The following ASPM variants were observed in gnomAD, a reference collection of about 807,000 sequenced individuals.
ASPM encodes abnormal spindle-like microcephaly-associated protein.
ASPM carries 256 observed loss-of-function variants against 366.4 expected under a neutral mutation model. The ratio of observed to expected loss-of-function variants is 0.70; its 90% CI spans 0.63 to 0.77. The LOEUF (loss-of-function observed/expected upper bound fraction) is 0.77. Among genes scored for constraint, ASPM ranks in the 30% least tolerant of loss-of-function variants. The pLI, the probability that ASPM is intolerant of heterozygous loss-of-function variation, is 0.00. For synonymous variants in ASPM, 1,414 were observed against 1,342.9 expected, an observed-to-expected ratio of 1.05 and a Z score of -1.16; for missense variants, 4,146 against 4,090.4, an observed-to-expected ratio of 1.01 and a Z score of -0.37.
At position 197,143,147 on chromosome 1, in the gene ASPM, C is replaced by T. The variant is rs1195234918; in HGVS notation, c.1105G>A (p.Asp369Asn). The change falls in exon 3 of 28, where the codon GAT becomes AAT. Residue 369 changes from aspartate to asparagine, a missense_variant. By Grantham distance (23) the Asp-to-Asn change is conservative (BLOSUM62 1). Coordinates refer to ENST00000367409, the MANE Select transcript of ASPM (RefSeq NM_018136.5). ...CCATAATTATCTTTTATGAAAGAAT[C>T]TGGACTTAAAATTTTCTGATAAATT... ...HEIYQKILSP[D>N]SFIKDNYGLN... 32 of 1,613,188 alleles carry T rather than the reference C, an allele frequency of 2.0e-5. No individual in the cohort carries two copies. The highest frequency in any genetic ancestry group is 2.7e-5 in the Non-Finnish European group (32 of 1,179,344).
chr1:197,114,248 G>A (rs1462928784), intron 17 of ASPM, among the ~76,000 whole-genome samples: 4 of 152,122 alleles, frequency 2.6e-5, no homozygotes, highest in African/African-American at 7.2e-5. Flanking sequence ...ATACTAAATT[G>A]CTAAAAAATG....
intron 18 of ASPM, among the ~76,000 whole-genome samples, chr1:197,097,462 C>A (rs908524547): frequency 6.6e-6 from 1 of 151,642 alleles, no homozygotes. Context: ...TCAAATCCCT[C>A]GGTCTCTCTG....
chr1:197,092,953 T>A, intron 21 of ASPM, 99 bp downstream of exon 21: 1 of 1,040,068 alleles, frequency 9.6e-7, no homozygotes, highest in Non-Finnish European at 1.5e-6. Flanking sequence ...GTCATATTAG[T>A]TCTGAAATTA....
chr1:197,143,587 G>A lies in ASPM; in HGVS notation c.665C>T (p.Ser222Leu). Residue 222 changes from serine (S) to leucine (L), a missense_variant, in exon 3 of 28, where the codon TCA becomes TTA. Physicochemically the swap from Ser to Leu is moderately radical, Grantham distance 145. Transcript: ENST00000367409. ...LILEENKIPI[S>L]PISPAFNECH... Reference sequence around the variant, plus strand: ...TTCATTGAAAGCAGGGCTAATAGGTGATATGGGTATTTTATTTTCTTCAAG... The same window carrying A: ...TTCATTGAAAGCAGGGCTAATAGGTAATATGGGTATTTTATTTTCTTCAAG... 1 of 1,613,166 alleles carries A rather than the reference G, an allele frequency of 6.2e-7. No individual in the cohort carries two copies. The highest frequency in any genetic ancestry group is 2.2e-5 in the East Asian group (1 of 44,880).
chr1:197,117,969 A>C lies in ASPM; in HGVS notation c.3885T>G (p.Ala1295=). The change falls in exon 17 of 28, where the codon GCT becomes GCG. Residue 1295 remains alanine, a synonymous_variant. Coordinates refer to ENST00000367409, the MANE Select transcript of ASPM (RefSeq NM_018136.5). ...DLKRHQEREK[A]ARIIQLAVIN... ...TTACAGCCAATTGAATAATTCTTGC[A>C]GCTTTCTCTCTCTCCTAAAATAAAA... The C allele has an allele frequency of 6.2e-7, 1 of 1,613,330 alleles. No homozygotes were observed. The highest frequency in any genetic ancestry group is 1.7e-4 in the Middle Eastern group (1 of 6,032).
chr1:197,118,746 G>A (rs766672361), intron 16 of ASPM, among the ~76,000 whole-genome samples: 23 of 152,130 alleles, frequency 1.5e-4, no homozygotes, highest in Non-Finnish European at 1.9e-4. Context: ...CTAGAAAACT[G>A]AGGCAATGAG....
intron 17 of ASPM, among the ~76,000 whole-genome samples, chr1:197,109,993 G>T (rs2125099049): frequency 6.6e-6 from 1 of 152,158 alleles, no homozygotes; most frequent in South Asian, 2.1e-4. Context: ...TAGTAAAGTT[G>T]TCAGTGTACC....
Position 197,146,569 on chromosome 1 carries a change from C to A in ASPM, c.-132G>T. 2 of 963,104 alleles carry A rather than the reference C, an allele frequency of 2.1e-6. No individual in the cohort carries two copies. Among genetic ancestry groups the A allele is most frequent in the Non-Finnish European group, 3.1e-6 (2 of 635,730 alleles). The allele number at this position is 963,104 out of a possible 1,614,324, so 59.7% of individuals were successfully genotyped here. ...AGAGGTCGTGGGAGTGAATTCGGCC[C>A]TTTTTCTTTTCCACTAACCTACTCC... On this transcript the variant is annotated 5_prime_UTR_variant, in exon 1 of 28. In the 5' UTR this introduces an upstream ATG that the reference lacks. Coordinates refer to ENST00000367409, the MANE Select transcript of ASPM (RefSeq NM_018136.5).
chr1:197,126,960 A>G (rs1658108641), intron 10 of ASPM, among the ~76,000 whole-genome samples: 1 of 152,192 alleles, frequency 6.6e-6, no homozygotes, highest in Non-Finnish European at 1.5e-5. Context: ...CCAAACCCAC[A>G]TTCATCTTCC....
chr1:197,135,029 C>T (rs986657313), intron 5 of ASPM, 67 bp downstream of exon 5: 3 of 1,224,892 alleles, frequency 2.4e-6, no homozygotes, highest in Non-Finnish European at 3.5e-6. Flanking sequence ...TAAAGAATGA[C>T]AAACGATGTT....
rs897515107 is a variant in ASPM at position 197,125,049 on chromosome 1, G to A, written c.3079C>T (p.His1027Tyr). 3.1e-6 allele frequency: 5 copies of A among 1,613,836 alleles called. No homozygotes were observed. Among genetic ancestry groups the A allele is most frequent in the Non-Finnish European group, 4.2e-6 (5 of 1,179,856 alleles). The change falls in exon 11 of 28, where the codon CAT (histidine) becomes TAT (tyrosine). Residue 1027 changes from histidine to tyrosine, a missense_variant. Coordinates refer to ENST00000367409, the MANE Select transcript of ASPM (RefSeq NM_018136.5). The stretch of plus-strand genomic sequence containing the variant: ...TTTACCTCTACTCAGTTTTTACCAT[G>A]CTCATCACTTAATTCAATTCCTCGT... ...KSRGIELSDE[H>Y]GNTILSKDIV...
In ASPM at chr1:197,105,111, C is replaced by T. The variant is rs1217984932; in HGVS notation, c.4140G>A (p.Arg1380=). ...LKYYSIILQS[R]IRMIIAVTSY... ...ATGTAACAGCAATTATCATTCTTAT[C>T]CTAGATTGCAGGATGATTGAATAAT... Residue 1380 remains arginine, a synonymous_variant, in exon 18 of 28, where the codon AGG becomes AGA. Coordinates refer to ENST00000367409, the MANE Select transcript of ASPM (RefSeq NM_018136.5). The T allele has an allele frequency of 1.2e-6, 2 of 1,608,566 alleles. No individual in the cohort carries two copies. The highest frequency in any genetic ancestry group is 8.5e-7 in the Non-Finnish European group (1 of 1,175,948).
At chr1:197,117,691 T>A in intron 17 of ASPM, 98 bp downstream of exon 17, 2 of 1,104,392 alleles carry the variant, frequency 1.8e-6, no homozygotes, top group Non-Finnish European at 2.6e-6. Context: ...TAAAGAATCC[T>A]AAAATATAAT....
At chr1:197,135,331 A>G in intron 4 of ASPM, 89 bp from the exon 5 acceptor site, 1 of 1,264,126 alleles carries the variant, frequency 7.9e-7, no homozygotes, top group South Asian at 1.2e-5. Context: ...TAGCAATACC[A>G]TCTTTAAAAC....
At chr1:197,090,461 C>T in intron 23 of ASPM, 73 bp from the exon 24 acceptor site, 1 of 1,157,314 alleles carries the variant, frequency 8.6e-7, no homozygotes, top group African/African-American at 1.6e-5. Flanking sequence ...TCTGTTTTCA[C>T]AATGTAAACA....
chr1:197,091,855 T>A (rs1258223707), intron 22 of ASPM, 52 bp downstream of exon 22: 1 of 1,578,352 alleles, frequency 6.3e-7, no homozygotes, highest in Non-Finnish European at 8.7e-7. Flanking sequence ...ATATCAAAAA[T>A]TTCTAACAGA....
rs770550480 is a variant in ASPM at position 197,117,959 on chromosome 1, T to C, written c.3895A>G (p.Ile1299Val). 3.7e-6 allele frequency: 6 copies of C among 1,613,418 alleles called. No individual in the cohort carries two copies. Among genetic ancestry groups the C allele is most frequent in the Non-Finnish European group, 5.1e-6 (6 of 1,179,656 alleles). ...HQEREKAARI[I>V]QLAVINFLAK... ...AGAAAATTGATTACAGCCAATTGAA[T>C]AATTCTTGCAGCTTTCTCTCTCTCC... The change falls in exon 17 of 28, where the codon ATT (isoleucine) becomes GTT (valine). Residue 1299 changes from isoleucine to valine, a missense_variant. Ile to Val is a conservative substitution (Grantham distance 29). This residue lies in a region of ASPM where 3,624 missense variants were observed against 3,591.7 expected (regional missense o/e 1.01). Transcript: ENST00000367409.
Position 197,093,231 on chromosome 1 carries a change from G to C in ASPM, c.9115C>G (p.His3039Asp). The C allele has an allele frequency of 6.2e-7, 1 of 1,612,208 alleles. No homozygotes were observed. Among genetic ancestry groups the C allele is most frequent in the Non-Finnish European group, 8.5e-7 (1 of 1,178,842 alleles). ...TGCCTTCCTTTATATCCTCTATAAT[G>C]TGCTTGGATCAAACAAGCAGCTCGA... The part of the protein sequence containing the change: ...RHRAACLIQA[H>D]YRGYKGRQVF... The change falls in exon 21 of 28, where the codon CAT (histidine) becomes GAT (aspartate). Residue 3039 changes from histidine (H) to aspartate (D), a missense_variant. His to Asp is a moderately conservative substitution (Grantham distance 81, BLOSUM62 -1). Coordinates refer to ENST00000367409, the MANE Select transcript of ASPM (RefSeq NM_018136.5).
chr1:197,102,362 G>A lies in ASPM; in HGVS notation c.6889C>T (p.Arg2297Trp), dbSNP rs759104234. ...TGATGCTTTGTACAAAGATGTGCCC[G>A]ATATTTTCTCTGAATCAAAATAGCA... Reference protein sequence around the residue: ...KTAILIQRKYRAHLCTKHHLQ... With the variant: ...KTAILIQRKYWAHLCTKHHLQ... The change falls in exon 18 of 28, where the codon CGG (arginine) becomes TGG (tryptophan). Residue 2297 changes from arginine to tryptophan, a missense_variant. Arg to Trp is a moderately radical substitution (Grantham distance 101). Coordinates refer to ENST00000367409, the MANE Select transcript of ASPM (RefSeq NM_018136.5). The A allele has an allele frequency of 4.3e-6, 7 of 1,612,710 alleles. No homozygotes were observed. Among genetic ancestry groups the A allele is most frequent in the East Asian group, 2.2e-5 (1 of 44,834 alleles).
Sources: gnomAD v4.1 joint callset for allele counts (sites outside exome capture counted in the v4.1 genomes callset) on GRCh38, gnomAD v4.1.1 for gene constraint, gnomAD v4.1.1 regional missense constraint, MANE v1.5 for transcripts, NCBI Gene and HGNC (gene_info 2026-07-23, HGNC 2026-07-21) for gene names.